The following RCAN2 variants were observed in gnomAD, a reference collection of about 807,000 sequenced individuals.
RCAN2 encodes the protein regulator of calcineurin 2.
In RCAN2, 9 loss-of-function variants were observed where a neutral mutation model predicts 23.6. The ratio of observed to expected loss-of-function variants is 0.38; its 90% CI spans 0.23 to 0.67. RCAN2 has a LOEUF of 0.67. Ranked by LOEUF, RCAN2 falls within the 30% of genes least tolerant of loss-of-function variation. The probability of loss-of-function intolerance (pLI) is 0.51; values close to 1 mark genes in which losing one functional copy is unlikely to be tolerated. For missense variants in RCAN2, 273 were observed against 302.3 expected, an observed-to-expected ratio of 0.90 and a Z score of 0.72; for synonymous variants, 109 against 115.7, an observed-to-expected ratio of 0.94 and a Z score of 0.37.
chr6:46,463,714 A>G (rs1322357428), intron 1 of RCAN2, among the ~76,000 whole-genome samples: 3 of 152,240 alleles, frequency 2.0e-5, no homozygotes, highest in Non-Finnish European at 2.9e-5. Flanking sequence ...TTGGATGCTC[A>G]TAAATAACCT....
chr6:46,261,744 T>C (rs1055891634), intron 2 of RCAN2, among the ~76,000 whole-genome samples: 3 of 152,222 alleles, frequency 2.0e-5, no homozygotes, highest in African/African-American at 7.2e-5. Context: ...CTTGATTTTA[T>C]TGATGTTATT....
chr6:46,426,722 T>G (rs577979920), intron 2 of RCAN2, among the ~76,000 whole-genome samples: 1 of 152,322 alleles, frequency 6.6e-6, no homozygotes, highest in Non-Finnish European at 1.5e-5. Flanking sequence ...TTACTGAACA[T>G]CTACTGTGTA....
intron 1 of RCAN2, among the ~76,000 whole-genome samples, chr6:46,471,355 T>C (rs1026592906): frequency 6.6e-6 from 1 of 152,162 alleles, no homozygotes; most frequent in Non-Finnish European, 1.5e-5. Context: ...AGGTAACAGA[T>C]GATGGTGATA....
At chr6:46,459,895 A>G (rs573047163) in intron 1 of RCAN2, among the ~76,000 whole-genome samples, 124 of 152,296 alleles carry the variant, frequency 8.1e-4, no homozygotes, top group African/African-American at 3.0e-3. Context: ...TGAACTATGC[A>G]GTAAAAACAC....
chr6:46,395,396 G>C (rs571098172), intron 2 of RCAN2, among the ~76,000 whole-genome samples: 2 of 152,118 alleles, frequency 1.3e-5, no homozygotes, highest in African/African-American at 2.4e-5. Flanking sequence ...AATGAAGAAG[G>C]TTTCAACAAA....
At chr6:46,268,624 G>A (rs966807611) in intron 2 of RCAN2, among the ~76,000 whole-genome samples, 5 of 152,182 alleles carry the variant, frequency 3.3e-5, no homozygotes, top group African/African-American at 1.2e-4. Context: ...CCAAATACGT[G>A]TGTATCACAC....
intron 4 of RCAN2, among the ~76,000 whole-genome samples, chr6:46,237,392 A>G (rs1202404788): frequency 6.6e-6 from 1 of 152,216 alleles, no homozygotes; most frequent in Non-Finnish European, 1.5e-5. Context: ...ACTCTGGAAG[A>G]AGATCCTCTA....
At chr6:46,465,088 G>T (rs1179784507) in intron 1 of RCAN2, among the ~76,000 whole-genome samples, 1 of 152,136 alleles carries the variant, frequency 6.6e-6, no homozygotes, top group Non-Finnish European at 1.5e-5. Flanking sequence ...GATGGGACAA[G>T]CAAATAGGGC....
At chr6:46,246,270 C>T (rs1456571124) in intron 4 of RCAN2, among the ~76,000 whole-genome samples, 1 of 152,160 alleles carries the variant, frequency 6.6e-6, no homozygotes, top group Non-Finnish European at 1.5e-5. Flanking sequence ...GCTGCTGTGA[C>T]TGACTTCTTA....
chr6:46,411,179 A>G (rs1766541139), intron 2 of RCAN2, among the ~76,000 whole-genome samples: 3 of 152,252 alleles, frequency 2.0e-5, no homozygotes, highest in Admixed American at 6.5e-5. Flanking sequence ...ATGGAATATT[A>G]TTCAGCCTTA....
At chr6:46,241,508 G>T (rs750137653) in intron 4 of RCAN2, among the ~76,000 whole-genome samples, 2 of 152,202 alleles carry the variant, frequency 1.3e-5, no homozygotes, top group East Asian at 1.9e-4. Flanking sequence ...GAAATGTACC[G>T]TAAAGAATTG....
chr6:46,286,855 G>T (rs1405934730), intron 2 of RCAN2, among the ~76,000 whole-genome samples: 3 of 151,866 alleles, frequency 2.0e-5, no homozygotes, highest in African/African-American at 7.3e-5. Context: ...ATACAAAAAA[G>T]TTAGCTGGGT....
chr6:46,343,695 T>C (rs1457180101), intron 2 of RCAN2, among the ~76,000 whole-genome samples: 1 of 152,148 alleles, frequency 6.6e-6, no homozygotes, highest in Admixed American at 6.5e-5. Context: ...TTTGATAGTA[T>C]CTTTAAAAGT....
intron 2 of RCAN2, among the ~76,000 whole-genome samples, chr6:46,332,528 C>A (rs922321235): frequency 1.0e-4 from 14 of 137,938 alleles, no homozygotes; most frequent in African/African-American, 3.8e-4. Context: ...TCTCATTGTT[C>A]AATTCCCACC....
intron 1 of RCAN2, among the ~76,000 whole-genome samples, chr6:46,490,918 A>AG (rs1202009938): frequency 6.6e-6 from 1 of 151,612 alleles, no homozygotes; most frequent in East Asian, 2.0e-4. Flanking sequence ...CGCCCCCTAG[A>AG]GGGGGGTCGC....
At chr6:46,400,399 TG>T (rs1766214994) in intron 2 of RCAN2, among the ~76,000 whole-genome samples, 2 of 152,222 alleles carry the variant, frequency 1.3e-5, no homozygotes, top group Non-Finnish European at 2.9e-5. Flanking sequence ...CAGCCCTGCC[TG>T]GAAATCAATC....
At chr6:46,373,813 T>C (rs1765392273) in intron 2 of RCAN2, among the ~76,000 whole-genome samples, 1 of 152,106 alleles carries the variant, frequency 6.6e-6, no homozygotes, top group Non-Finnish European at 1.5e-5. Flanking sequence ...GTCTCTCTCT[T>C]TCTCCACCAC....
chr6:46,347,362 A>G (rs917841338), intron 2 of RCAN2, among the ~76,000 whole-genome samples: 3 of 152,202 alleles, frequency 2.0e-5, no homozygotes, highest in African/African-American at 7.2e-5. Context: ...TAGTGATAAA[A>G]TGAAGTCTAG....
At chr6:46,366,612 C>A (rs922594396) in intron 2 of RCAN2, among the ~76,000 whole-genome samples, 1 of 152,050 alleles carries the variant, frequency 6.6e-6, no homozygotes, top group Non-Finnish European at 1.5e-5. Context: ...TCCTTTATAT[C>A]TCATCACCTT....
Sources: gnomAD v4.1 joint callset for allele counts (sites outside exome capture counted in the v4.1 genomes callset) on GRCh38, gnomAD v4.1.1 for gene constraint, MANE v1.5 for transcripts, NCBI Gene and HGNC (gene_info 2026-07-23, HGNC 2026-07-21) for gene names.